Variants in LAMA1 observed in about 807,000 individuals in gnomAD.
The protein encoded by LAMA1 is laminin subunit alpha-1.
In LAMA1, 219 loss-of-function variants were observed where a neutral mutation model predicts 348.7. The observed-to-expected ratio is 0.63, with a 90% confidence interval of 0.56 to 0.70. LAMA1 has a LOEUF of 0.70. Ranked by LOEUF, LAMA1 falls within the 30% of genes least tolerant of loss-of-function variation. The probability of loss-of-function intolerance (pLI) is 0.00; values close to 1 mark genes in which losing one functional copy is unlikely to be tolerated. For missense variants in LAMA1, 3,744 were observed against 3,888.0 expected (o/e 0.96, Z 0.99); for synonymous variants, 1,487 against 1,491.0 (o/e 1.00, Z 0.06).
intron 36 of LAMA1, among the ~76,000 whole-genome samples, chr18:6,989,531 C>CAT (rs1311448329): frequency 6.6e-6 from 1 of 152,096 alleles, no homozygotes; most frequent in Non-Finnish European, 1.5e-5. Flanking sequence ...TTTGAAATGG[C>CAT]ATATATATAG....
At chr18:6,959,718 A>T in intron 53 of LAMA1, 1 of 531,792 alleles carries the variant, frequency 1.9e-6, no homozygotes, top group Non-Finnish European at 3.4e-6. Context: ...GATTTCAAAC[A>T]TTTCCATTCT....
chr18:7,000,635 TC>T (rs2057803561), intron 30 of LAMA1, among the ~76,000 whole-genome samples: 1 of 152,212 alleles, frequency 6.6e-6, no homozygotes, highest in African/African-American at 2.4e-5. Context: ...CTCCTTTTTC[TC>T]AACATCCTCT....
chr18:6,942,105 G>T lies in LAMA1; in HGVS notation c.9202C>A (p.His3068Asn). 1 of 1,614,176 alleles carries T rather than the reference G, an allele frequency of 6.2e-7. No homozygotes were observed. The change falls in exon 63 of 63, where the codon CAT becomes AAT. Residue 3068 changes from histidine (H) to asparagine (N), a missense_variant. Physicochemically the swap from His to Asn is moderately conservative, Grantham distance 68 (BLOSUM62 1). This residue lies in a region of LAMA1 where 232 missense variants were observed against 264.4 expected (regional missense o/e 0.88). Coordinates refer to ENST00000389658, the MANE Select transcript of LAMA1 (RefSeq NM_005559.4). Reference protein sequence around the residue: ...RAFELHGVFLHSCPGTES With the variant: ...RAFELHGVFLNSCPGTES ...CAGGACTCGGTCCCAGGACAGGAAT[G>T]AAGGAAAACTCCGTGCAGTTCGAAC...
intron 3 of LAMA1, among the ~76,000 whole-genome samples, chr18:7,074,125 G>A (rs1030244575): frequency 1.3e-5 from 2 of 152,066 alleles, no homozygotes; most frequent in Non-Finnish European, 2.9e-5. Context: ...GAGCCACCAC[G>A]CCCGGCCAGA....
chr18:6,997,539 A>T (rs2057787225), intron 33 of LAMA1, among the ~76,000 whole-genome samples: 1 of 152,160 alleles, frequency 6.6e-6, no homozygotes, highest in African/African-American at 2.4e-5. Context: ...TCCCACCGTG[A>T]AACAAGCTAG....
In LAMA1 at chr18:7,009,995, C is replaced by T. The variant is rs528531016; in HGVS notation, c.3873+205G>A. Among the ~76,000 whole-genome samples, 113 of 152,074 alleles carry T rather than the reference C, an allele frequency of 7.4e-4. 2 individuals carry two copies. Among genetic ancestry groups the T allele is most frequent in the African/African-American group, 2.6e-3 (106 of 41,476 alleles). ...CTAATTTTTATATTTTTAGTAGAGACGGGGATTCATCATGTTGGACAGGCT... is the reference window on the plus strand; with the variant it reads ...CTAATTTTTATATTTTTAGTAGAGATGGGGATTCATCATGTTGGACAGGCT... On this transcript the variant is annotated intron_variant, in intron 26 of 62. Transcript: ENST00000389658.
chr18:7,071,858 G>A (rs2058147390), intron 3 of LAMA1, among the ~76,000 whole-genome samples: 1 of 152,140 alleles, frequency 6.6e-6, no homozygotes, highest in South Asian at 2.1e-4. Context: ...ATAATAACAG[G>A]AGCCAAGTCA....
chr18:6,946,855 T>G (rs1360526215), intron 61 of LAMA1, among the ~76,000 whole-genome samples: 1 of 152,132 alleles, frequency 6.6e-6, no homozygotes, highest in African/African-American at 2.4e-5. Context: ...TTAAAAAAAA[T>G]TATTAGAAGG....
intron 36 of LAMA1, among the ~76,000 whole-genome samples, chr18:6,987,013 C>G (rs1172761305): frequency 6.6e-6 from 1 of 152,158 alleles, no homozygotes; most frequent in Non-Finnish European, 1.5e-5. Flanking sequence ...CCCACCTCGG[C>G]CTCTCAAAGT....
At chr18:6,975,818 A>T (rs1312208295) in intron 45 of LAMA1, 119 bp downstream of exon 45, 6 of 1,177,454 alleles carry the variant, frequency 5.1e-6, no homozygotes, top group African/African-American at 1.5e-5. Context: ...GTTAGTCCCT[A>T]TGGGAGATTT....
rs770322692 is a variant in LAMA1, at chr18:7,026,072, T to C, written c.2309A>G (p.Glu770Gly). Residue 770 changes from glutamate (E) to glycine (G), a missense_variant, in exon 17 of 63, where the codon GAG becomes GGG. By Grantham distance (98) the Glu-to-Gly change is moderately conservative. Coordinates refer to ENST00000389658, the MANE Select transcript of LAMA1 (RefSeq NM_005559.4). ...CAHNTTGVHC[E>G]QCLPGFYGEP... ...CCCGTAGAAGCCGGGCAAGCACTGC[T>C]CACAGTGGACGCCGGTGGTGTTGTG... 1 of 1,611,474 alleles carries C rather than the reference T, an allele frequency of 6.2e-7. No homozygotes were observed. The highest frequency in any genetic ancestry group is 1.7e-5 in the Admixed American group (1 of 59,768).
chr18:7,117,714 C>T lies in LAMA1; in HGVS notation c.7G>A (p.Gly3Arg). The T allele has an allele frequency of 6.3e-7, 1 of 1,597,752 alleles. No individual in the cohort carries two copies. Among genetic ancestry groups the T allele is most frequent in the South Asian group, 1.1e-5 (1 of 90,772 alleles). The part of the protein sequence containing the change: MR[G>R]GVLLVLLLCV... The stretch of plus-strand genomic sequence containing the variant: ...AGCAGCAAGACCAGGAGCACGCCCC[C>T]GCGCATCTCGCCTCCGCCGCCACTC... The change falls in exon 1 of 63, where the codon GGG becomes AGG. Residue 3 changes from glycine (G) to arginine (R), a missense_variant. Physicochemically the swap from Gly to Arg is moderately radical, Grantham distance 125. Transcript: ENST00000389658.
At chr18:6,972,453 A>C (rs572732676) in intron 47 of LAMA1, among the ~76,000 whole-genome samples, 23 of 152,350 alleles carry the variant, frequency 1.5e-4, no homozygotes, top group South Asian at 1.4e-3. Context: ...TAGACTAGAG[A>C]TAAAGAAACT....
intron 1 of LAMA1, among the ~76,000 whole-genome samples, chr18:7,083,916 C>CA (rs71354523): frequency 2.0e-5 from 3 of 151,298 alleles, no homozygotes; most frequent in African/African-American, 4.8e-5. Flanking sequence ...ACTAAAATTA[C>CA]AAAAAAAATT....
chr18:7,106,323 T>C (rs1568071343), intron 1 of LAMA1, among the ~76,000 whole-genome samples: 1 of 151,902 alleles, frequency 6.6e-6, no homozygotes, highest in African/African-American at 2.4e-5. Context: ...AACTGAGTGG[T>C]TCTCAACCCT....
At chr18:7,052,844 C>A (rs1412806003) in intron 3 of LAMA1, among the ~76,000 whole-genome samples, 1 of 151,980 alleles carries the variant, frequency 6.6e-6, no homozygotes, top group Non-Finnish European at 1.5e-5. Flanking sequence ...TACAGTGAAA[C>A]CCCATCTCTA....
At chr18:7,082,709 T>C (rs1441361890) in intron 1 of LAMA1, among the ~76,000 whole-genome samples, 2 of 152,204 alleles carry the variant, frequency 1.3e-5, no homozygotes, top group Non-Finnish European at 2.9e-5. Flanking sequence ...ACAGCTAAAA[T>C]GACATTTTTT....
At chr18:6,948,691 T>C (rs1391468121) in intron 59 of LAMA1, 135 bp from the exon 60 acceptor site, 5 of 934,502 alleles carry the variant, frequency 5.4e-6, no homozygotes, top group Admixed American at 2.2e-5. Flanking sequence ...AAAACTTTAA[T>C]TGCCACAATA....
chr18:7,036,739 A>G (rs2057996658), intron 12 of LAMA1, among the ~76,000 whole-genome samples: 1 of 152,226 alleles, frequency 6.6e-6, no homozygotes, highest in African/African-American at 2.4e-5. Context: ...TTTCAAAAAT[A>G]AATACTCCTT....
Sources: gnomAD v4.1 joint callset for allele counts (sites outside exome capture counted in the v4.1 genomes callset) on GRCh38, gnomAD v4.1.1 for gene constraint, gnomAD v4.1.1 regional missense constraint, MANE v1.5 for transcripts, NCBI Gene and HGNC (gene_info 2026-07-23, HGNC 2026-07-21) for gene names.